The following MMP26 variants were observed in gnomAD, a reference collection of about 807,000 sequenced individuals.
The protein encoded by MMP26 is matrix metallopeptidase 26, also known as matrix metalloproteinase-26.
A neutral mutation model predicts 31.0 loss-of-function variants in MMP26; 33 were observed. The observed-to-expected ratio is 1.06, with a 90% CI of 0.81 to 1.42. The LOEUF (loss-of-function observed/expected upper bound fraction) is 1.42, where lower values mean the gene tolerates loss of function less well. Ranked by LOEUF, MMP26 falls within the 40% of genes most tolerant of loss-of-function variation. The pLI is 0.00. For missense variants in MMP26, 347 were observed against 316.1 expected, an observed-to-expected ratio of 1.10 and a Z score of -0.74; for synonymous variants, 122 against 114.9, an observed-to-expected ratio of 1.06 and a Z score of -0.40.
intron 2 of MMP26, among the ~76,000 whole-genome samples, chr11:4,972,020 A>G (rs1301141579): frequency 6.6e-6 from 1 of 152,190 alleles, no homozygotes; most frequent in Non-Finnish European, 1.5e-5. Flanking sequence ...AACATTGGGG[A>G]TTAAATTTTA....
intron 1 of MMP26, among the ~76,000 whole-genome samples, chr11:4,716,179 A>T (rs1399581862): frequency 1.3e-5 from 2 of 152,232 alleles, no homozygotes; most frequent in African/African-American, 4.8e-5. Flanking sequence ...AACAATCTCC[A>T]ATTGTTCCTC....
chr11:4,942,107 A>AAAAAAAAAAAAAAAAAAAAAAAAAC, intron 2 of MMP26, among the ~76,000 whole-genome samples: 1 of 141,912 alleles, frequency 7.0e-6, no homozygotes, highest in Non-Finnish European at 1.6e-5. Flanking sequence ...AAAAAAAAAA[A>AAAAAAAAAAAAAAAAAAAAAAAAAC]AAAGGAAGTA....
At chr11:4,727,682 C>T (rs1057295919) in intron 1 of MMP26, among the ~76,000 whole-genome samples, 2 of 151,996 alleles carry the variant, frequency 1.3e-5, no homozygotes, top group Admixed American at 6.6e-5. Context: ...TGGTGGCGGG[C>T]GCCTGTAATC....
At chr11:4,722,028 C>T (rs1046564387) in intron 1 of MMP26, among the ~76,000 whole-genome samples, 10 of 152,168 alleles carry the variant, frequency 6.6e-5, no homozygotes, top group African/African-American at 1.9e-4. Context: ...TTGCTCCAAC[C>T]GTGTGAAGTG....
rs189802328 is a variant in MMP26, at chr11:4,858,010, C to T, written c.-145+90669C>T. Among the ~76,000 whole-genome samples the T allele has an allele frequency of 6.6e-4, 101 of 152,108 alleles. 1 individual carries two copies. Among genetic ancestry groups the T allele is most frequent in the African/African-American group, 2.3e-3 (95 of 41,516 alleles). ...TCTCAATAGATGCAGAAAAGGCTTT[C>T]GACAAAATTCAACAGCCCTTCATGC... On this transcript the variant is annotated intron_variant, in intron 2 of 7. Coordinates refer to ENST00000380390, the MANE Select transcript of MMP26 (RefSeq NM_021801.5).
chr11:4,896,073 G>A (rs1419517257), intron 2 of MMP26, among the ~76,000 whole-genome samples: 1 of 151,970 alleles, frequency 6.6e-6, no homozygotes. Context: ...TTACCTCTAA[G>A]TTCCTCCTAT....
At chr11:4,872,495 C>T (rs993755154) in intron 2 of MMP26, among the ~76,000 whole-genome samples, 3 of 151,962 alleles carry the variant, frequency 2.0e-5, no homozygotes, top group Non-Finnish European at 2.9e-5. Flanking sequence ...CATTGTCCCC[C>T]TCCCCCACTC....
At chr11:4,817,644 A>G (rs144804491) in intron 2 of MMP26, among the ~76,000 whole-genome samples, 132 of 152,330 alleles carry the variant, frequency 8.7e-4, no homozygotes, top group African/African-American at 2.9e-3. Flanking sequence ...TGGGGGAAAA[A>G]TGGAAAAAAT....
At chr11:4,910,833 TAA>T in intron 2 of MMP26, among the ~76,000 whole-genome samples, 1 of 149,728 alleles carries the variant, frequency 6.7e-6, no homozygotes, top group African/African-American at 2.4e-5. Context: ...CATCATGGAA[TAA>T]AAAAAAAACT....
At chr11:4,746,153 C>T (rs892493596) in intron 1 of MMP26, among the ~76,000 whole-genome samples, 7 of 152,178 alleles carry the variant, frequency 4.6e-5, no homozygotes, top group African/African-American at 1.7e-4. Context: ...CTTATGTTCC[C>T]ATTGACTTGC....
At chr11:4,723,700 T>C in intron 1 of MMP26, 1 of 981,192 alleles carries the variant, frequency 1.0e-6, no homozygotes, top group Non-Finnish European at 1.6e-6. Flanking sequence ...AAGCTTCAGC[T>C]TCTCCTGGCC....
At position 4,954,266 on chromosome 11, in the gene MMP26, A is replaced by G. The variant is rs559475539; in HGVS notation, c.-144-33802A>G. Among the ~76,000 whole-genome samples the G allele has an allele frequency of 3.2e-5, 4 of 123,840 alleles. No individual in the cohort carries two copies. The East Asian group carries it at 9.2e-4, about 28-fold the overall frequency. The allele number at this position is 123,840 out of a possible 152,430, so 81.2% of individuals were successfully genotyped here. ...GATGGGGCGGGGATTGGACTGAAAA[A>G]CTATCTGTTGGGTACTATGCTCACT... On this transcript the variant is annotated intron_variant, in intron 2 of 7. Transcript: ENST00000380390.
At chr11:4,806,647 G>A (rs375285552) in intron 2 of MMP26, among the ~76,000 whole-genome samples, 5 of 152,202 alleles carry the variant, frequency 3.3e-5, no homozygotes, top group African/African-American at 1.2e-4. Flanking sequence ...CCTGAATACA[G>A]CACACTGATA....
intron 2 of MMP26, among the ~76,000 whole-genome samples, chr11:4,819,179 C>T (rs531948894): frequency 6.3e-4 from 96 of 152,178 alleles, no homozygotes; most frequent in African/African-American, 2.1e-3. Context: ...CATGAAAAAT[C>T]TAGATGGAAA....
intron 2 of MMP26, among the ~76,000 whole-genome samples, chr11:4,972,598 G>A (rs541294975): frequency 3.2e-4 from 48 of 152,164 alleles, no homozygotes; most frequent in African/African-American, 1.1e-3. Context: ...GTAGTCTTTG[G>A]TCACCTCTGA....
At chr11:4,915,488 G>T in intron 2 of MMP26, 7 of 1,614,150 alleles carry the variant, frequency 4.3e-6, no homozygotes, top group Non-Finnish European at 5.9e-6. Flanking sequence ...TTCATGAAGT[G>T]AGCGCTCTGT....
At chr11:4,713,213 C>A (rs4255531) in intron 1 of MMP26, among the ~76,000 whole-genome samples, 148,221 of 152,158 alleles carry the variant, frequency 0.97, 72,356 homozygotes, top group Non-Finnish European at 0.98. Context: ...TGTAAAAATG[C>A]ATTTTTCTAG....
intron 2 of MMP26, among the ~76,000 whole-genome samples, chr11:4,920,377 A>C (rs1267005344): frequency 6.6e-6 from 1 of 152,022 alleles, no homozygotes; most frequent in African/African-American, 2.4e-5. Context: ...TCCACAATGC[A>C]CTTCTTCTCC....
intron 2 of MMP26, among the ~76,000 whole-genome samples, chr11:4,826,211 G>C (rs112686352): frequency 2.5e-4 from 38 of 152,096 alleles, no homozygotes; most frequent in African/African-American, 8.9e-4. Context: ...TAAGTGCAAG[G>C]GAAACTGCTG....
Sources: gnomAD v4.1 joint callset for allele counts (sites outside exome capture counted in the v4.1 genomes callset) on GRCh38, gnomAD v4.1.1 for gene constraint, MANE v1.5 for transcripts, NCBI Gene and HGNC (gene_info 2026-07-23, HGNC 2026-07-21) for gene names.